The following HTR4 variants were observed in gnomAD, a reference collection of about 807,000 sequenced individuals.
HTR4 encodes 5-hydroxytryptamine receptor 4, also known as 5-hydroxytryptamine (serotonin) receptor 4, G protein-coupled.
Under a neutral mutation model 36.8 loss-of-function variants are expected in HTR4, and 16 were observed. The ratio of observed to expected loss-of-function variants is 0.43; its 90% CI spans 0.29 to 0.66. The LOEUF is 0.66. HTR4 is among the 30% of genes least tolerant of loss of function. HTR4 has a pLI of 0.13. For synonymous variants in HTR4, 189 were observed against 185.1 expected (o/e 1.02, Z -0.17); for missense variants, 438 against 490.9 (o/e 0.89, Z 1.02).
chr5:148,549,613 G>A (rs1414137086), intron 3 of HTR4, among the ~76,000 whole-genome samples: 2 of 152,180 alleles, frequency 1.3e-5, no homozygotes, highest in Non-Finnish European at 2.9e-5. Context: ...AATACAGGAT[G>A]CCTGATTAGA....
intron 2 of HTR4, among the ~76,000 whole-genome samples, chr5:148,631,365 C>T (rs1039384788): frequency 2.6e-5 from 4 of 152,084 alleles, no homozygotes; most frequent in Non-Finnish European, 4.4e-5. Flanking sequence ...TCACAATTTC[C>T]GAGCCTGAAG....
intron 2 of HTR4, among the ~76,000 whole-genome samples, chr5:148,590,287 C>CTTTTTTT (rs779077579): frequency 1.4e-3 from 45 of 33,332 alleles, no homozygotes; most frequent in Admixed American, 2.0e-3. Flanking sequence ...TTTTTCTTTT[C>CTTTTTTT]TTTTTTTTTT....
At chr5:148,557,863 G>A (rs746873095) in intron 2 of HTR4, among the ~76,000 whole-genome samples, 7 of 150,782 alleles carry the variant, frequency 4.6e-5, no homozygotes, top group Non-Finnish European at 7.4e-5. Context: ...AGAATGACAG[G>A]AAGCAAGGAG....
downstream of HTR4, among the ~76,000 whole-genome samples, chr5:148,477,965 T>G (rs990174108): frequency 2.0e-5 from 3 of 152,192 alleles, no homozygotes; most frequent in Non-Finnish European, 4.4e-5. Context: ...AAACACCCCC[T>G]TGCCCATCTC....
At chr5:148,490,847 C>G (rs776438022) in intron 6 of HTR4, 7 of 524,968 alleles carry the variant, frequency 1.3e-5, no homozygotes, top group Non-Finnish European at 2.4e-5. Context: ...TCTAACAGCC[C>G]TTTAAATATA....
At position 148,481,590 on chromosome 5, in the gene HTR4, CT is replaced by C. The variant is rs1755888447; in HGVS notation, c.*1612del. 1 of 1,516,072 alleles carries C rather than the reference CT, an allele frequency of 6.6e-7. No homozygotes were observed. The highest frequency in any genetic ancestry group is 2.2e-5 in the Admixed American group (1 of 46,170). 93.9% of individuals were successfully genotyped at this position (1,516,072 alleles called of 1,614,324 possible). On this transcript the variant is annotated 3_prime_UTR_variant, in exon 7 of 7. Transcript: ENST00000377888. ...GGATGGTTTGGTCAATCTTCTCTTCCTTATTCCAAAGTTTCTTCCTGTCGGT... is the reference window on the plus strand; with the variant it reads ...GGATGGTTTGGTCAATCTTCTCTTCCTATTCCAAAGTTTCTTCCTGTCGGT...
chr5:148,601,817 G>A (rs574666024), intron 2 of HTR4, among the ~76,000 whole-genome samples: 1 of 152,114 alleles, frequency 6.6e-6, no homozygotes, highest in South Asian at 2.1e-4. Flanking sequence ...TAAATAAATA[G>A]GAATTCTACC....
chr5:148,577,879 T>A (rs1454281988), intron 2 of HTR4, among the ~76,000 whole-genome samples: 6 of 151,970 alleles, frequency 3.9e-5, no homozygotes, highest in Admixed American at 3.3e-4. Flanking sequence ...CTGGGTTTAA[T>A]TTCTGGGTGA....
At chr5:148,625,760 T>C (rs902860567) in intron 2 of HTR4, among the ~76,000 whole-genome samples, 3 of 152,130 alleles carry the variant, frequency 2.0e-5, no homozygotes, top group African/African-American at 7.2e-5. Context: ...TTTGTATTTT[T>C]AGTAGAGATG....
chr5:148,461,683 C>T (rs1755281758), intron 5 of HTR4, among the ~76,000 whole-genome samples: 1 of 152,014 alleles, frequency 6.6e-6, no homozygotes, highest in Non-Finnish European at 1.5e-5. Flanking sequence ...GACTTCAACA[C>T]TTCTCTATCA....
intron 4 of HTR4, among the ~76,000 whole-genome samples, chr5:148,524,255 G>A (rs1758158190): frequency 6.6e-6 from 1 of 152,156 alleles, no homozygotes; most frequent in Admixed American, 6.5e-5. Flanking sequence ...ATAGGACCAA[G>A]GGACTAGTCC....
At chr5:148,651,267 C>G (rs1754026621) in intron 1 of HTR4, among the ~76,000 whole-genome samples, 1 of 152,034 alleles carries the variant, frequency 6.6e-6, no homozygotes, top group Non-Finnish European at 1.5e-5. Context: ...TTGAGCATTC[C>G]CAGGCATAGC....
chr5:148,499,721 C>T (rs1756847591), intron 6 of HTR4, among the ~76,000 whole-genome samples: 1 of 152,142 alleles, frequency 6.6e-6, no homozygotes. Context: ...GTGTAATCTC[C>T]AGAGTTGGAG....
intron 2 of HTR4, among the ~76,000 whole-genome samples, chr5:148,566,950 C>A (rs1469092236): frequency 6.6e-6 from 1 of 151,294 alleles, no homozygotes; most frequent in Non-Finnish European, 1.5e-5. Context: ...CATTGCTAAT[C>A]CACAAAAAAT....
At chr5:148,523,457 A>G (rs909046235) in intron 4 of HTR4, 111 bp from the exon 5 acceptor site, 15 of 756,152 alleles carry the variant, frequency 2.0e-5, no homozygotes, top group Middle Eastern at 3.8e-4. Flanking sequence ...GGAGCAAGGG[A>G]TAGAGAACAG....
chr5:148,611,790 G>A (rs1007868157), intron 2 of HTR4, among the ~76,000 whole-genome samples: 20 of 151,242 alleles, frequency 1.3e-4, no homozygotes, highest in African/African-American at 4.6e-4. Context: ...CCCATCTCAC[G>A]TGCAGAGACA....
intron 2 of HTR4, among the ~76,000 whole-genome samples, chr5:148,552,819 G>T (rs1016758823): frequency 6.6e-6 from 1 of 152,150 alleles, no homozygotes; most frequent in African/African-American, 2.4e-5. Context: ...TACATGAAAT[G>T]CTATGTATTA....
chr5:148,538,019 T>C (rs970114566), intron 4 of HTR4, among the ~76,000 whole-genome samples: 1 of 152,050 alleles, frequency 6.6e-6, no homozygotes, highest in Non-Finnish European at 1.5e-5. Flanking sequence ...GCACATCATA[T>C]AGCTAATCCA....
chr5:148,520,275 T>C (rs1757951815), intron 5 of HTR4, among the ~76,000 whole-genome samples: 1 of 152,188 alleles, frequency 6.6e-6, no homozygotes, highest in South Asian at 2.1e-4. Flanking sequence ...AATAAACAGA[T>C]GCTCCATTTC....
Sources: allele counts gnomAD v4.1 joint callset (sites outside exome capture counted in the v4.1 genomes callset), GRCh38; gene constraint gnomAD v4.1.1; transcripts MANE v1.5; gene names NCBI Gene and HGNC (gene_info 2026-07-23, HGNC 2026-07-21).